The following RPN2 variants were observed in gnomAD, a reference collection of about 807,000 sequenced individuals.
The protein encoded by RPN2 is dolichyl-diphosphooligosaccharide--protein glycosyltransferase subunit 2.
A neutral mutation model predicts 71.4 loss-of-function variants in RPN2; 29 were observed. That is an observed-to-expected ratio of 0.41 (90% CI 0.30 to 0.55). The LOEUF (loss-of-function observed/expected upper bound fraction) is 0.55, where lower values mean the gene tolerates loss of function less well. Among genes scored for constraint, RPN2 ranks in the 20% least tolerant of loss-of-function variants. The pLI is 0.35. For missense variants in RPN2, 726 were observed against 774.1 expected (o/e 0.94, Z 0.74); for synonymous variants, 308 against 305.0 (o/e 1.01, Z -0.10).
rs1181766840 is a variant in RPN2 at position 37,191,250 on chromosome 20, G to A, written c.207+6877G>A. On this transcript the variant is annotated intron_variant, in intron 2 of 16. Transcript: ENST00000237530. ...TCAGCACTTTGGGAGGCTGAGGTTG[G>A]TGGATCCCTTGAGGTCAGGAGTTCG... 3.9e-5 allele frequency among the ~76,000 whole-genome samples: 6 copies of A among 152,200 alleles called. No individual in the cohort carries two copies. The East Asian group carries it at 1.2e-3, about 29-fold the overall frequency.
intron 15 of RPN2, among the ~76,000 whole-genome samples, chr20:37,234,833 A>T (rs1282182609): frequency 6.6e-6 from 1 of 151,934 alleles, no homozygotes; most frequent in African/African-American, 2.4e-5. Context: ...GGCTTGTGTC[A>T]CCACATTTAG....
At chr20:37,192,607 T>C (rs1193446244) in intron 2 of RPN2, among the ~76,000 whole-genome samples, 2 of 152,190 alleles carry the variant, frequency 1.3e-5, no homozygotes, top group Non-Finnish European at 2.9e-5. Flanking sequence ...GGGGATTTAC[T>C]CTTGAGCCAT....
intron 1 of RPN2, among the ~76,000 whole-genome samples, chr20:37,181,577 G>C (rs6017447): frequency 0.82 from 124,362 of 151,916 alleles, 51,598 homozygotes; most frequent in Middle Eastern, 0.93. Context: ...GTCACCATGT[G>C]CGGCTCATGT....
intron 12 of RPN2, 109 bp downstream of exon 12, chr20:37,228,853 C>G: frequency 9.8e-7 from 1 of 1,017,260 alleles, no homozygotes; most frequent in South Asian, 1.3e-5. Context: ...CCTGTGCCTC[C>G]TATAAATAAG....
intron 9 of RPN2, among the ~76,000 whole-genome samples, chr20:37,214,680 A>G (rs185304594): frequency 3.3e-5 from 5 of 152,332 alleles, no homozygotes; most frequent in Non-Finnish European, 2.9e-5. Flanking sequence ...GGTTCAGGTC[A>G]TGCATTTTCC....
At chr20:37,220,210 T>TGAGA (rs144403550) in intron 9 of RPN2, among the ~76,000 whole-genome samples, 8 of 150,924 alleles carry the variant, frequency 5.3e-5, no homozygotes, top group Admixed American at 3.3e-4. Context: ...TGTGTGAGTG[T>TGAGA]GAGAGAGAGA....
intron 2 of RPN2, among the ~76,000 whole-genome samples, chr20:37,188,781 T>C: frequency 6.9e-6 from 1 of 144,866 alleles, no homozygotes; most frequent in African/African-American, 2.5e-5. Context: ...CATGCCTAGC[T>C]AAATTTTTTT....
chr20:37,189,360 TGA>T (rs1491564533), intron 2 of RPN2, among the ~76,000 whole-genome samples: 2 of 150,288 alleles, frequency 1.3e-5, no homozygotes, highest in African/African-American at 4.9e-5. Flanking sequence ...TGTGTGTGTG[TGA>T]ACATCCATTC....
chr20:37,216,818 G>T (rs555763296), intron 9 of RPN2, among the ~76,000 whole-genome samples: 1 of 151,978 alleles, frequency 6.6e-6, no homozygotes, highest in East Asian at 1.9e-4. Context: ...TTAAGGCTTC[G>T]GTCTATCTGA....
At chr20:37,209,347 C>T (rs147394645) in intron 7 of RPN2, among the ~76,000 whole-genome samples, 32 of 152,268 alleles carry the variant, frequency 2.1e-4, no homozygotes, top group African/African-American at 5.5e-4. Flanking sequence ...TTAGTAGAGA[C>T]GGGGTCTCAC....
rs149834459 is a variant in RPN2 at position 37,204,794 on chromosome 20, G to A, written c.583G>A (p.Gly195Arg). The A allele has an allele frequency of 2.8e-5, 45 of 1,613,996 alleles. No homozygotes were observed. The highest frequency in any genetic ancestry group is 4.0e-5 in the African/African-American group (3 of 74,888). The change falls in exon 6 of 17, where the codon GGG (glycine) becomes AGG (arginine). Residue 195 changes from glycine to arginine, a missense_variant. Transcript: ENST00000237530. Reference sequence around the variant, plus strand: ...CCTTGTTGCTCGCCTGGATGAACTCGGGGGCGTGTATCTCCAGTTTGAAGA... The same window carrying A: ...CCTTGTTGCTCGCCTGGATGAACTCAGGGGCGTGTATCTCCAGTTTGAAGA... ...EDLVARLDEL[G>R]GVYLQFEEGL...
intron 15 of RPN2, among the ~76,000 whole-genome samples, chr20:37,236,371 G>T (rs2068392526): frequency 6.6e-6 from 1 of 152,196 alleles, no homozygotes; most frequent in South Asian, 2.1e-4. Context: ...ACAGGTGTGA[G>T]CCACTGTGCC....
intron 8 of RPN2, among the ~76,000 whole-genome samples, chr20:37,210,965 A>G (rs1384706435): frequency 6.6e-6 from 1 of 151,938 alleles, no homozygotes; most frequent in Non-Finnish European, 1.5e-5. Flanking sequence ...AGGCAGATGG[A>G]TTGCTTGAGC....
intron 16 of RPN2, among the ~76,000 whole-genome samples, chr20:37,237,374 A>G (rs2068427488): frequency 6.6e-6 from 1 of 152,154 alleles, no homozygotes. Context: ...TTAGAACCTG[A>G]GTGATTTCAG....
intron 13 of RPN2, among the ~76,000 whole-genome samples, chr20:37,230,543 A>C (rs1374580368): frequency 6.6e-6 from 1 of 152,240 alleles, no homozygotes; most frequent in Non-Finnish European, 1.5e-5. Flanking sequence ...GAGTGAAGAA[A>C]GGCTTTGAAA....
rs1279591962 is a variant in RPN2 at position 37,225,730 on chromosome 20, C to T, written c.1227C>T (p.Asp409=). The T allele has an allele frequency of 6.2e-7, 1 of 1,614,166 alleles. No individual in the cohort carries two copies. The highest frequency in any genetic ancestry group is 1.1e-5 in the South Asian group (1 of 91,074). Residue 409 remains aspartate, a synonymous_variant, in exon 11 of 17, where the codon GAC becomes GAT. Coordinates refer to ENST00000237530, the MANE Select transcript of RPN2 (RefSeq NM_002951.5). ...AAGCCAAGGGCACATTCATCGCAGA[C>T]AGCCACCAGAACTTCGCCTTGTTCT... ...PAKAKGTFIA[D]SHQNFALFFQ...
chr20:37,213,883 C>A lies in RPN2; in HGVS notation c.1092+18C>A, dbSNP rs772928324. ...CCGTAGAGGTAGGTGTTTTTCTTTCCTTCCCATTGCCATGTTAGTATATCC... is the reference window on the plus strand; with the variant it reads ...CCGTAGAGGTAGGTGTTTTTCTTTCATTCCCATTGCCATGTTAGTATATCC... On this transcript the variant is annotated intron_variant, in intron 9 of 16. Transcript: ENST00000237530. 3.8e-5 allele frequency: 59 copies of A among 1,552,326 alleles called. No homozygotes were observed. The highest frequency in any genetic ancestry group is 5.1e-5 in the Non-Finnish European group (57 of 1,123,880).
intron 2 of RPN2, among the ~76,000 whole-genome samples, chr20:37,194,384 C>T (rs1406134815): frequency 6.6e-6 from 1 of 152,150 alleles, no homozygotes; most frequent in Non-Finnish European, 1.5e-5. Context: ...ACCTCAGCCT[C>T]CCAAGTAGCT....
chr20:37,192,938 G>A (rs1372140137), intron 2 of RPN2, among the ~76,000 whole-genome samples: 1 of 152,070 alleles, frequency 6.6e-6, no homozygotes, highest in Non-Finnish European at 1.5e-5. Flanking sequence ...ACCAGCCTGG[G>A]CAACAAAATG....
Sources: gnomAD v4.1 joint callset for allele counts (sites outside exome capture counted in the v4.1 genomes callset) on GRCh38, gnomAD v4.1.1 for gene constraint, MANE v1.5 for transcripts, NCBI Gene and HGNC (gene_info 2026-07-23, HGNC 2026-07-21) for gene names.